LRRC7: variants seen among roughly 807,000 people sequenced by gnomAD.
The protein encoded by LRRC7 is leucine rich repeat containing 7, also known as leucine-rich repeat-containing protein 7.
A neutral mutation model predicts 175.7 loss-of-function variants in LRRC7; 23 were observed. That is an observed-to-expected ratio of 0.13 (90% CI 0.09 to 0.19). The LOEUF (loss-of-function observed/expected upper bound fraction) is 0.19, where lower values mean the gene tolerates loss of function less well. Among genes scored for constraint, LRRC7 ranks in the 10% least tolerant of loss-of-function variants. The pLI, the probability that LRRC7 is intolerant of heterozygous loss-of-function variation, is 1.00. For synonymous variants in LRRC7, 685 were observed against 680.9 expected (o/e 1.01, Z -0.09); for missense variants, 1,354 against 1,904.7 (o/e 0.71, Z 5.38).
intron 11 of LRRC7, among the ~76,000 whole-genome samples, chr1:69,998,645 C>T (rs747243843): frequency 2.2e-4 from 33 of 152,114 alleles, no homozygotes; most frequent in Admixed American, 9.2e-4. Context: ...CCCTACTTAA[C>T]GTCATGATTG....
intron 2 of LRRC7, among the ~76,000 whole-genome samples, chr1:69,685,812 G>A (rs2100634707): frequency 6.6e-6 from 1 of 151,596 alleles, no homozygotes; most frequent in Non-Finnish European, 1.5e-5. Flanking sequence ...AGTATTTGAA[G>A]AAGTAATGGT....
chr1:70,030,455 G>A (rs1658595745), intron 18 of LRRC7, among the ~76,000 whole-genome samples: 1 of 152,120 alleles, frequency 6.6e-6, no homozygotes. Flanking sequence ...AGGAACTGTT[G>A]CTTTCTGTAT....
intron 7 of LRRC7, among the ~76,000 whole-genome samples, chr1:69,850,789 A>T (rs962627275): frequency 2.0e-5 from 3 of 152,110 alleles, no homozygotes; most frequent in Admixed American, 1.3e-4. Flanking sequence ...TTGGCAATGG[A>T]AAGTTTGAGA....
chr1:69,670,254 G>A (rs1036812541), intron 1 of LRRC7, among the ~76,000 whole-genome samples: 2 of 152,280 alleles, frequency 1.3e-5, no homozygotes, highest in East Asian at 3.9e-4. Flanking sequence ...AAAAGGACAT[G>A]GGTGTTGTAA....
intron 4 of LRRC7, among the ~76,000 whole-genome samples, chr1:69,806,556 ATGTT>A (rs1677137359): frequency 6.6e-6 from 1 of 151,920 alleles, no homozygotes; most frequent in African/African-American, 2.4e-5. Flanking sequence ...AGTATACAAT[ATGTT>A]TGTTTCCCTT....
At chr1:69,688,644 T>TA (rs1467861015) in intron 2 of LRRC7, among the ~76,000 whole-genome samples, 163 of 139,004 alleles carry the variant, frequency 1.2e-3, no homozygotes, top group Middle Eastern at 7.1e-3. Flanking sequence ...TTTTTTTTTT[T>TA]TAAAAAAAAC....
intron 2 of LRRC7, among the ~76,000 whole-genome samples, chr1:69,735,642 A>T (rs1668031940): frequency 1.3e-5 from 2 of 152,106 alleles, no homozygotes; most frequent in Non-Finnish European, 2.9e-5. Context: ...CCTGACTCTA[A>T]CAACTTTTTT....
intron 7 of LRRC7, among the ~76,000 whole-genome samples, chr1:69,888,161 T>A (rs544179100): frequency 6.7e-6 from 1 of 150,138 alleles, no homozygotes; most frequent in African/African-American, 2.5e-5. Context: ...TTGAGCTTCC[T>A]GGCTGCTTTG....
chr1:69,755,760 C>T (rs564130881), intron 2 of LRRC7, among the ~76,000 whole-genome samples: 1 of 152,002 alleles, frequency 6.6e-6, no homozygotes, highest in East Asian at 1.9e-4. Flanking sequence ...TACATAGTAA[C>T]ATGGCTATAC....
chr1:70,114,048 C>A (rs1214047677), intron 26 of LRRC7, among the ~76,000 whole-genome samples: 4 of 147,594 alleles, frequency 2.7e-5, no homozygotes, highest in African/African-American at 7.8e-5. Flanking sequence ...TTAAAAAATT[C>A]TTTAAAAAAA....
chr1:69,725,093 T>G (rs1015064217), intron 2 of LRRC7, among the ~76,000 whole-genome samples: 1 of 152,100 alleles, frequency 6.6e-6, no homozygotes, highest in Non-Finnish European at 1.5e-5. Flanking sequence ...TATATATATG[T>G]ATATTACAGA....
At chr1:69,653,299 T>G (rs1449670105) in intron 1 of LRRC7, among the ~76,000 whole-genome samples, 1 of 151,958 alleles carries the variant, frequency 6.6e-6, no homozygotes, top group Non-Finnish European at 1.5e-5. Flanking sequence ...TTTAATTTTT[T>G]TATTATTATA....
intron 7 of LRRC7, among the ~76,000 whole-genome samples, chr1:69,927,970 G>A (rs916108557): frequency 7.9e-5 from 12 of 152,108 alleles, no homozygotes; most frequent in Admixed American, 6.5e-4. Context: ...TGATGGTGAT[G>A]TACAGATGGG....
intron 7 of LRRC7, among the ~76,000 whole-genome samples, chr1:69,884,529 G>A (rs1447840602): frequency 7.4e-6 from 1 of 135,834 alleles, no homozygotes; most frequent in Non-Finnish European, 1.5e-5. Context: ...AGACAATGGG[G>A]TTTTCTAGAT....
chr1:69,697,617 C>T (rs1662775170), intron 2 of LRRC7, among the ~76,000 whole-genome samples: 1 of 152,158 alleles, frequency 6.6e-6, no homozygotes, highest in South Asian at 2.1e-4. Context: ...TAAAATTGTC[C>T]CATCTGCCCC....
At chr1:70,062,369 C>A (rs1293481763) in intron 23 of LRRC7, among the ~76,000 whole-genome samples, 1 of 152,078 alleles carries the variant, frequency 6.6e-6, no homozygotes, top group African/African-American at 2.4e-5. Flanking sequence ...TGCCAGTAAT[C>A]TTATTCAGGT....
chr1:69,818,899 T>A (rs1225233390), intron 4 of LRRC7, among the ~76,000 whole-genome samples: 1 of 152,136 alleles, frequency 6.6e-6, no homozygotes, highest in Non-Finnish European at 1.5e-5. Context: ...TGTAGTGGTA[T>A]CTTATCATGA....
rs143422012 is a variant in LRRC7, at chr1:70,114,686, G to A, written c.4620+6860G>A. ...CTGGGTTACAGAATGAGAACCCATC[G>A]TTAAACTGTCTTTTAAAGTGTGGTT... On this transcript the variant is annotated intron_variant, in intron 26 of 26. Transcript: ENST00000651989. Among the ~76,000 whole-genome samples the A allele has an allele frequency of 3.1e-3, 471 of 152,236 alleles. 1 individual carries two copies. Among genetic ancestry groups the A allele is most frequent in the African/African-American group, 0.01 (420 of 41,540 alleles).
chr1:70,079,194 T>C (rs1037089356), intron 24 of LRRC7, among the ~76,000 whole-genome samples: 3 of 152,324 alleles, frequency 2.0e-5, no homozygotes, highest in Admixed American at 1.3e-4. Context: ...GTAAAGACTT[T>C]ATGGAGATTC....
Sources: allele counts gnomAD v4.1 joint callset (sites outside exome capture counted in the v4.1 genomes callset), GRCh38; gene constraint gnomAD v4.1.1; transcripts MANE v1.5; gene names NCBI Gene and HGNC (gene_info 2026-07-23, HGNC 2026-07-21).